RFX3: variants seen among roughly 807,000 people sequenced by gnomAD.
RFX3 encodes the protein transcription factor RFX3.
In RFX3, 14 loss-of-function variants were observed where a neutral mutation model predicts 98.6. That is an observed-to-expected ratio of 0.14 (90% CI 0.09 to 0.22). The LOEUF (loss-of-function observed/expected upper bound fraction) is 0.22. Ranked by LOEUF, RFX3 falls within the 10% of genes least tolerant of loss-of-function variation. The pLI, the probability that RFX3 is intolerant of heterozygous loss-of-function variation, is 1.00. For synonymous variants in RFX3, 383 were observed against 328.4 expected (o/e 1.17, Z -1.80); for missense variants, 639 against 926.9 (o/e 0.69, Z 4.03).
At chr9:3,373,728 G>A (rs1403570466) in intron 2 of RFX3, among the ~76,000 whole-genome samples, 2 of 152,054 alleles carry the variant, frequency 1.3e-5, no homozygotes, top group Admixed American at 6.5e-5. Context: ...AAGTATAGGA[G>A]GAGGAGAAGG....
At chr9:3,269,175 T>A (rs1248996423) in intron 11 of RFX3, among the ~76,000 whole-genome samples, 5 of 152,048 alleles carry the variant, frequency 3.3e-5, no homozygotes, top group Non-Finnish European at 7.4e-5. Flanking sequence ...GCTAATTTTT[T>A]TTTTACTTAT....
At chr9:3,350,354 T>C (rs1214949905) in intron 2 of RFX3, among the ~76,000 whole-genome samples, 2 of 152,168 alleles carry the variant, frequency 1.3e-5, no homozygotes, top group Admixed American at 6.6e-5. Flanking sequence ...TCTCCCATCA[T>C]AAGATACCAA....
chr9:3,385,706 A>T (rs1282076460), intron 2 of RFX3, among the ~76,000 whole-genome samples: 1 of 84,270 alleles, frequency 1.2e-5, no homozygotes, highest in Non-Finnish European at 2.2e-5. Flanking sequence ...AAAAAAAAAG[A>T]AAAGAAAAGA....
At chr9:3,229,910 C>G (rs1021760050) in intron 15 of RFX3, among the ~76,000 whole-genome samples, 1 of 151,942 alleles carries the variant, frequency 6.6e-6, no homozygotes, top group Non-Finnish European at 1.5e-5. Context: ...ATATTTTTTT[C>G]CTTACCTAGA....
chr9:3,244,394 G>A (rs932759545), intron 15 of RFX3, among the ~76,000 whole-genome samples: 9 of 152,234 alleles, frequency 5.9e-5, no homozygotes, highest in Admixed American at 3.3e-4. Flanking sequence ...ATGGCACTTC[G>A]AACTGTACCT....
chr9:3,471,053 T>C (rs1848730645), intron 1 of RFX3, among the ~76,000 whole-genome samples: 1 of 152,204 alleles, frequency 6.6e-6, no homozygotes, highest in African/African-American at 2.4e-5. Flanking sequence ...AAATCTGTGA[T>C]GTTGATTATT....
chr9:3,474,821 G>T (rs1849083368), intron 1 of RFX3, among the ~76,000 whole-genome samples: 1 of 152,184 alleles, frequency 6.6e-6, no homozygotes, highest in African/African-American at 2.4e-5. Context: ...TAGCAGCCAG[G>T]TATGGTGGCT....
chr9:3,363,158 T>C (rs1836654688), intron 2 of RFX3, among the ~76,000 whole-genome samples: 1 of 152,172 alleles, frequency 6.6e-6, no homozygotes, highest in Non-Finnish European at 1.5e-5. Flanking sequence ...AATAATACTG[T>C]GGTGACCAGA....
chr9:3,267,045 T>C (rs1823737489), intron 11 of RFX3, among the ~76,000 whole-genome samples: 1 of 151,938 alleles, frequency 6.6e-6, no homozygotes, highest in Non-Finnish European at 1.5e-5. Flanking sequence ...GGTCATAAAA[T>C]AATGAGAAGC....
chr9:3,525,801 G>GGGAGGA lies in RFX3; in HGVS notation c.-69_-64dup, dbSNP rs957070006. ...GTGGGTGATGGAGATGGTGGTGGTGGGGAGGAGGAGGAGGAAGAGGAGGAG... is the reference window on the plus strand; with the variant it reads ...GTGGGTGATGGAGATGGTGGTGGTGGGGAGGAGGAGGAGGAGGAGGAAGAGGAGGAG... On this transcript the variant is annotated 5_prime_UTR_variant, in exon 1 of 17. Transcript: ENST00000617270. 2.8e-5 allele frequency: 18 copies of GGGAGGA among 651,180 alleles called. No individual in the cohort carries two copies. In the South Asian group the frequency reaches 5.4e-4, roughly 19 times the overall value. 40.3% of individuals were successfully genotyped at this position (651,180 alleles called of 1,614,324 possible).
At chr9:3,435,796 G>A (rs1845070135) in intron 1 of RFX3, among the ~76,000 whole-genome samples, 2 of 125,268 alleles carry the variant, frequency 1.6e-5, no homozygotes, top group African/African-American at 6.6e-5. Context: ...AGAAGCATCT[G>A]CATTGTAAAA....
chr9:3,380,744 T>C (rs2131694422), intron 2 of RFX3, among the ~76,000 whole-genome samples: 1 of 152,338 alleles, frequency 6.6e-6, no homozygotes, highest in South Asian at 2.1e-4. Flanking sequence ...AGAAATATAA[T>C]TTAAGCTCAA....
At chr9:3,493,949 C>A (rs1012582327) in intron 1 of RFX3, among the ~76,000 whole-genome samples, 2 of 151,916 alleles carry the variant, frequency 1.3e-5, no homozygotes, top group Non-Finnish European at 2.9e-5. Flanking sequence ...TCCTGCTTTA[C>A]CTCATCTCTG....
chr9:3,427,136 CTTTAT>C (rs1844125668), intron 1 of RFX3, among the ~76,000 whole-genome samples: 1 of 150,186 alleles, frequency 6.7e-6, no homozygotes, highest in Non-Finnish European at 1.5e-5. Context: ...CTGCTATTGA[CTTTAT>C]TTTGACTATT....
At chr9:3,444,878 C>T (rs1442791076) in intron 1 of RFX3, among the ~76,000 whole-genome samples, 2 of 152,146 alleles carry the variant, frequency 1.3e-5, no homozygotes, top group Non-Finnish European at 2.9e-5. Context: ...TTTTCTCAGT[C>T]ACAGAAAGAG....
chr9:3,517,713 G>A (rs1348440562), intron 1 of RFX3, among the ~76,000 whole-genome samples: 1 of 152,178 alleles, frequency 6.6e-6, no homozygotes, highest in Non-Finnish European at 1.5e-5. Flanking sequence ...CTTAGCCAGA[G>A]GCCAGTACAT....
intron 15 of RFX3, chr9:3,247,115 T>A: frequency 1.0e-6 from 1 of 985,340 alleles, no homozygotes; most frequent in Non-Finnish European, 1.2e-6. Flanking sequence ...CCGCCTTGGG[T>A]AATTTGTCAC....
In RFX3 at chr9:3,378,045, C is replaced by T. The variant is rs184051376; in HGVS notation, c.117+17427G>A. ...AACTAAAGATCAAATATTTAAGTAT[C>T]CTGTTCATTGAGGCAACTTCATTAG... On this transcript the variant is annotated intron_variant, in intron 2 of 16. Transcript: ENST00000617270. 6.2e-3 allele frequency among the ~76,000 whole-genome samples: 936 copies of T among 152,132 alleles called. 15 individuals are homozygous for T. Among genetic ancestry groups the T allele is most frequent in the African/African-American group, 0.022 (904 of 41,490 alleles).
chr9:3,479,922 G>A (rs1229093743), intron 1 of RFX3, among the ~76,000 whole-genome samples: 3 of 152,186 alleles, frequency 2.0e-5, no homozygotes, highest in South Asian at 4.1e-4. Flanking sequence ...CGGGCTTCTG[G>A]AAGAGAAAAG....
Sources: gnomAD v4.1 joint callset for allele counts (sites outside exome capture counted in the v4.1 genomes callset) on GRCh38, gnomAD v4.1.1 for gene constraint, MANE v1.5 for transcripts, NCBI Gene and HGNC (gene_info 2026-07-23, HGNC 2026-07-21) for gene names.